The following SH3PXD2B variants were observed in gnomAD, a reference collection of about 807,000 sequenced individuals.
SH3PXD2B encodes SH3 and PX domains 2B.
In SH3PXD2B, 37 loss-of-function variants were observed where a neutral mutation model predicts 73.1. That is an observed-to-expected ratio of 0.51 (90% confidence interval 0.39 to 0.67). The LOEUF is 0.67. Ranked by LOEUF, SH3PXD2B falls within the 30% of genes least tolerant of loss-of-function variation. SH3PXD2B has a pLI of 0.00. For missense variants in SH3PXD2B, 1,053 were observed against 1,197.8 expected, an observed-to-expected ratio of 0.88 and a Z score of 1.78; for synonymous variants, 457 against 480.5, an observed-to-expected ratio of 0.95 and a Z score of 0.64.
chr5:172,449,866 C>T (rs985871617), intron 1 of SH3PXD2B, among the ~76,000 whole-genome samples: 1 of 152,122 alleles, frequency 6.6e-6, no homozygotes, highest in East Asian at 1.9e-4. Flanking sequence ...GTTCCCGGCA[C>T]GAGCTTGAAA....
chr5:172,331,839 A>G (rs927715006), downstream of SH3PXD2B, among the ~76,000 whole-genome samples: 20 of 152,196 alleles, frequency 1.3e-4, no homozygotes, highest in Non-Finnish European at 2.9e-5. Context: ...CCAGCTACTC[A>G]GGAGGCTGAG....
rs141242718 is a variant in SH3PXD2B at position 172,352,757 on chromosome 5, T to G, written c.785+1131A>C. 6.0e-3 allele frequency among the ~76,000 whole-genome samples: 915 copies of G among 152,328 alleles called. 2 individuals are homozygous for G. Among genetic ancestry groups the G allele is most frequent in the South Asian group, 0.023 (111 of 4,832 alleles). On this transcript the variant is annotated intron_variant, in intron 9 of 12. Transcript: ENST00000311601. ...TCCTCATTTTCTCTTGCCGATGCTATGTAAGAAATGCTTTTCACCTCCCGC... is the reference window on the plus strand; with the variant it reads ...TCCTCATTTTCTCTTGCCGATGCTAGGTAAGAAATGCTTTTCACCTCCCGC...
At chr5:172,398,521 T>G (rs1758357121) in intron 3 of SH3PXD2B, among the ~76,000 whole-genome samples, 1 of 152,204 alleles carries the variant, frequency 6.6e-6, no homozygotes, top group African/African-American at 2.4e-5. Flanking sequence ...TGATAAAGAA[T>G]TAATTGACTG....
intron 4 of SH3PXD2B, among the ~76,000 whole-genome samples, chr5:172,391,463 A>T (rs1416063001): frequency 6.6e-6 from 1 of 151,982 alleles, no homozygotes; most frequent in Non-Finnish European, 1.5e-5. Context: ...ACGGCTTGCC[A>T]TTTCTTTCTC....
chr5:172,382,089 A>G lies in SH3PXD2B; in HGVS notation c.348T>C (p.Asp116=). Residue 116 remains aspartate (D), a synonymous_variant, in exon 5 of 13, where the codon GAT becomes GAC. Coordinates refer to ENST00000311601, the MANE Select transcript of SH3PXD2B (RefSeq NM_001017995.3). ...IQLPPYISQC[D]EVLQFFETRP... ...TTGTCTCAAAGAACTGCAGCACCTC[A>G]TCACACTGAGAGATGTAGGGGGGCA... The G allele has an allele frequency of 1.2e-6, 2 of 1,612,058 alleles. No homozygotes were observed. Among genetic ancestry groups the G allele is most frequent in the Non-Finnish European group, 1.7e-6 (2 of 1,179,296 alleles).
chr5:172,364,993 A>C (rs771680179), intron 6 of SH3PXD2B, among the ~76,000 whole-genome samples: 5 of 152,208 alleles, frequency 3.3e-5, no homozygotes, highest in Non-Finnish European at 5.9e-5. Flanking sequence ...GTGAAAAAGC[A>C]GAATAGGGCA....
chr5:172,399,648 T>C (rs1320395080), intron 3 of SH3PXD2B, among the ~76,000 whole-genome samples: 2 of 152,168 alleles, frequency 1.3e-5, no homozygotes, highest in East Asian at 3.8e-4. Context: ...CTTTTCCTGA[T>C]TGCCTTTCTT....
chr5:172,346,329 G>A (rs528530940), intron 11 of SH3PXD2B, 68 bp from the exon 12 acceptor site: 1 of 1,608,514 alleles, frequency 6.2e-7, no homozygotes, highest in African/African-American at 1.3e-5. Flanking sequence ...GTCAGGGGGA[G>A]TCTAAGGGCC....
At position 172,368,574 on chromosome 5, in the gene SH3PXD2B, TTA is replaced by T. The variant is rs1187200273; in HGVS notation, c.427+5214_427+5215del. Among the ~76,000 whole-genome samples, 76 of 16,120 alleles carry T rather than the reference TTA, an allele frequency of 4.7e-3. 6 individuals are homozygous for T. Among genetic ancestry groups the T allele is most frequent in the East Asian group, 7.5e-3 (1 of 134 alleles). 10.6% of individuals were successfully genotyped at this position (16,120 alleles called of 152,430 possible). ...ATATATTATATATATATAAAATATG[TTA>T]TATATATATATAAAATATGTTATAT... On this transcript the variant is annotated intron_variant, in intron 6 of 12. Coordinates refer to ENST00000311601, the MANE Select transcript of SH3PXD2B (RefSeq NM_001017995.3).
At chr5:172,382,450 A>G (rs1757970726) in intron 4 of SH3PXD2B, among the ~76,000 whole-genome samples, 1 of 152,096 alleles carries the variant, frequency 6.6e-6, no homozygotes, top group South Asian at 2.1e-4. Context: ...ATTAAAACAC[A>G]GATCGTGGAG....
intron 3 of SH3PXD2B, among the ~76,000 whole-genome samples, chr5:172,403,166 G>C (rs923799728): frequency 1.3e-5 from 2 of 152,268 alleles, no homozygotes; most frequent in Non-Finnish European, 2.9e-5. Flanking sequence ...ACAGCCTTTG[G>C]TGGGAATGGT....
At chr5:172,423,187 T>A (rs1411236801) in intron 1 of SH3PXD2B, among the ~76,000 whole-genome samples, 1 of 152,082 alleles carries the variant, frequency 6.6e-6, no homozygotes, top group Non-Finnish European at 1.5e-5. Context: ...AGGTGACTAT[T>A]AGAGGTCAGA....
chr5:172,397,754 C>T (rs896353334), intron 3 of SH3PXD2B, among the ~76,000 whole-genome samples: 9 of 152,182 alleles, frequency 5.9e-5, no homozygotes, highest in Non-Finnish European at 1.3e-4. Flanking sequence ...TAGAGATTTA[C>T]TGGCACAATG....
intron 1 of SH3PXD2B, among the ~76,000 whole-genome samples, chr5:172,428,161 T>C (rs1049086516): frequency 1.3e-5 from 2 of 152,226 alleles, no homozygotes; most frequent in South Asian, 2.1e-4. Context: ...ACTTTCTCCA[T>C]GGCACAGCCT....
At chr5:172,357,118 CAAAAAAAAAAAA>C (rs59461760) in intron 8 of SH3PXD2B, among the ~76,000 whole-genome samples, 2 of 59,030 alleles carry the variant, frequency 3.4e-5, no homozygotes, top group African/African-American at 1.5e-4. Flanking sequence ...GACCCCATCT[CAAAAAAAAAAAA>C]AAAAAAAAAA....
In SH3PXD2B at chr5:172,350,575, T is replaced by A. The variant is rs1438996793; in HGVS notation, c.800A>T (p.Glu267Val). 6.2e-7 allele frequency: 1 copy of A among 1,609,836 alleles called. No individual in the cohort carries two copies. Among genetic ancestry groups the A allele is most frequent in the South Asian group, 1.1e-5 (1 of 90,198 alleles). Reference sequence around the variant, plus strand: ...TAGGTAGGAGGCGGGGGCCCAGCCTTCTTTGCCCTGGTACCTGTGAAGAGG... The same window carrying A: ...TAGGTAGGAGGCGGGGGCCCAGCCTACTTTGCCCTGGTACCTGTGAAGAGG... ...GWWKIRYQGKEGWAPASYLKK... is the reference protein window; with the variant it reads ...GWWKIRYQGKVGWAPASYLKK... Residue 267 changes from glutamate (E) to valine (V), a missense_variant, in exon 10 of 13, where the codon GAA (glutamate) becomes GTA (valine). Physicochemically the swap from Glu to Val is moderately radical, Grantham distance 121. Transcript: ENST00000311601.
Position 172,349,023 on chromosome 5 carries a change from T to C in SH3PXD2B, c.1012+1340A>G, listed in dbSNP as rs1188630318. ...CCACTGTGCCCAGCCTGAACCTATA[T>C]ACTAACAAAGACATTGAGGCTGCAG... On this transcript the variant is annotated intron_variant, in intron 10 of 12. Transcript: ENST00000311601. Among the ~76,000 whole-genome samples the C allele has an allele frequency of 2.0e-5, 3 of 152,168 alleles. 1 individual carries two copies. Among genetic ancestry groups the C allele is most frequent in the South Asian group, 4.2e-4 (2 of 4,818 alleles).
chr5:172,438,240 C>A (rs1759438196), intron 1 of SH3PXD2B, among the ~76,000 whole-genome samples: 1 of 152,190 alleles, frequency 6.6e-6, no homozygotes. Flanking sequence ...TGGAAGCCTT[C>A]CTGGACACCC....
intron 6 of SH3PXD2B, among the ~76,000 whole-genome samples, chr5:172,368,588 A>C (rs1428792835): frequency 2.5e-4 from 3 of 12,158 alleles, no homozygotes; most frequent in African/African-American, 2.0e-3. Flanking sequence ...ATATATATAT[A>C]AAATATGTTA....
Sources: gnomAD v4.1 joint callset for allele counts (sites outside exome capture counted in the v4.1 genomes callset) on GRCh38, gnomAD v4.1.1 for gene constraint, MANE v1.5 for transcripts, NCBI Gene and HGNC (gene_info 2026-07-23, HGNC 2026-07-21) for gene names.